The following BCHE variants were observed in gnomAD, a reference collection of about 807,000 sequenced individuals.
The protein encoded by BCHE is cholinesterase.
BCHE carries 48 observed loss-of-function variants against 51.3 expected under a neutral mutation model. The ratio of observed to expected loss-of-function variants is 0.94; its 90% CI spans 0.74 to 1.19. The LOEUF (loss-of-function observed/expected upper bound fraction) is 1.19, where lower values mean the gene tolerates loss of function less well. Ranked by LOEUF, BCHE falls within the 50% of genes most tolerant of loss-of-function variation. The pLI is 0.00. For synonymous variants in BCHE, 251 were observed against 238.0 expected (o/e 1.05, Z -0.50); for missense variants, 847 against 708.2 (o/e 1.20, Z -2.23).
chr3:165,832,677 A>T (rs111626374), intron 1 of BCHE, among the ~76,000 whole-genome samples: 1,950 of 152,298 alleles, frequency 0.013, 18 homozygotes, highest in Middle Eastern at 0.044. Context: ...AAGATCCATT[A>T]ATGTACAAAG....
At chr3:165,786,335 A>T (rs771928418) in intron 2 of BCHE, 24 bp from the exon 3 acceptor site, 4 of 1,580,624 alleles carry the variant, frequency 2.5e-6, no homozygotes, top group Non-Finnish European at 3.5e-6. Flanking sequence ...TAGAGACATT[A>T]TAGTAAAATT....
intron 2 of BCHE, among the ~76,000 whole-genome samples, chr3:165,824,110 A>C (rs1487317546): frequency 6.6e-6 from 1 of 152,034 alleles, no homozygotes; most frequent in East Asian, 1.9e-4. Context: ...TTTACAAAGA[A>C]ATTAAAATAA....
chr3:165,773,315 A>G lies in BCHE; in HGVS notation c.*67T>C. ...TAATAACTTTTTTAGTAGGTGTGTA[A>G]AAAAGCTCCTGATATTTTTGCCTTG... On this transcript the variant is annotated 3_prime_UTR_variant, in exon 4 of 4. Coordinates refer to ENST00000264381, the MANE Select transcript of BCHE (RefSeq NM_000055.4). 6.7e-7 allele frequency: 1 copy of G among 1,492,538 alleles called. No homozygotes were observed. Among genetic ancestry groups the G allele is most frequent in the Non-Finnish European group, 9.2e-7 (1 of 1,086,258 alleles). 92.5% of individuals were successfully genotyped at this position (1,492,538 alleles called of 1,614,324 possible).
At chr3:165,808,405 AT>A (rs1713952079) in intron 2 of BCHE, among the ~76,000 whole-genome samples, 1 of 151,946 alleles carries the variant, frequency 6.6e-6, no homozygotes, top group African/African-American at 2.4e-5. Flanking sequence ...TACATACCTA[AT>A]TTTTGCATAC....
chr3:165,786,368 GAA>G, intron 2 of BCHE, 57 bp from the exon 3 acceptor site: 1 of 1,466,592 alleles, frequency 6.8e-7, no homozygotes, highest in Non-Finnish European at 9.4e-7. Flanking sequence ...AGATTAAAAA[GAA>G]TATTGTTTTC....
chr3:165,834,265 T>C (rs1425053069), intron 1 of BCHE, among the ~76,000 whole-genome samples: 1 of 152,060 alleles, frequency 6.6e-6, no homozygotes, highest in Non-Finnish European at 1.5e-5. Context: ...TTATATTTTA[T>C]GCTGAGTAGG....
At chr3:165,819,029 CA>C (rs941576820) in intron 2 of BCHE, among the ~76,000 whole-genome samples, 2 of 149,506 alleles carry the variant, frequency 1.3e-5, no homozygotes, top group South Asian at 4.2e-4. Context: ...AAAAAATAAA[CA>C]AAAAAATTAA....
intron 2 of BCHE, among the ~76,000 whole-genome samples, chr3:165,791,840 C>T (rs1000789497): frequency 6.6e-6 from 1 of 152,060 alleles, no homozygotes; most frequent in Non-Finnish European, 1.5e-5. Flanking sequence ...CCCAGCTACT[C>T]GGGAGGCTGA....
At chr3:165,831,539 T>A (rs1714989956) in intron 1 of BCHE, among the ~76,000 whole-genome samples, 2 of 152,208 alleles carry the variant, frequency 1.3e-5, no homozygotes. Context: ...TTGTCATTAT[T>A]GTCCTTTTCT....
At chr3:165,821,774 C>A (rs1714527611) in intron 2 of BCHE, among the ~76,000 whole-genome samples, 1 of 151,770 alleles carries the variant, frequency 6.6e-6, no homozygotes, top group African/African-American at 2.4e-5. Flanking sequence ...AGATGAATAT[C>A]TATTTTCAAA....
chr3:165,782,555 T>G (rs1712748428), intron 3 of BCHE, among the ~76,000 whole-genome samples: 1 of 152,180 alleles, frequency 6.6e-6, no homozygotes, highest in Non-Finnish European at 1.5e-5. Context: ...GTGTGGTTGT[T>G]GTTTTTTGTC....
At chr3:165,814,623 T>A (rs1358308440) in intron 2 of BCHE, among the ~76,000 whole-genome samples, 1 of 151,994 alleles carries the variant, frequency 6.6e-6, no homozygotes, top group East Asian at 1.9e-4. Context: ...TTCCAACACT[T>A]GCTGGCCTGA....
At chr3:165,782,953 C>G (rs1026750195) in intron 3 of BCHE, among the ~76,000 whole-genome samples, 1 of 151,984 alleles carries the variant, frequency 6.6e-6, no homozygotes, top group African/African-American at 2.4e-5. Context: ...ATACCAGCAC[C>G]TTAGTGGTTA....
chr3:165,812,837 G>A (rs1469180573), intron 2 of BCHE, among the ~76,000 whole-genome samples: 1 of 151,878 alleles, frequency 6.6e-6, no homozygotes, highest in Non-Finnish European at 1.5e-5. Context: ...TGCCCCCTCA[G>A]ATATGAAAGT....
chr3:165,814,330 T>C (rs767353635), intron 2 of BCHE, among the ~76,000 whole-genome samples: 21 of 151,536 alleles, frequency 1.4e-4, no homozygotes, highest in Non-Finnish European at 2.4e-4. Flanking sequence ...ATGTTACCAT[T>C]TTTTTAAGAA....
chr3:165,805,709 T>G (rs1713842492), intron 2 of BCHE, among the ~76,000 whole-genome samples: 1 of 152,192 alleles, frequency 6.6e-6, no homozygotes, highest in Non-Finnish European at 1.5e-5. Flanking sequence ...TTTATTTTTG[T>G]TAAACTTACT....
At chr3:165,814,042 G>T (rs543003620) in intron 2 of BCHE, among the ~76,000 whole-genome samples, 5 of 152,048 alleles carry the variant, frequency 3.3e-5, no homozygotes, top group Admixed American at 2.0e-4. Flanking sequence ...CTTCCACAAT[G>T]ATTTCATTAT....
intron 2 of BCHE, among the ~76,000 whole-genome samples, chr3:165,789,534 T>G (rs1713090460): frequency 6.6e-6 from 1 of 152,098 alleles, no homozygotes; most frequent in African/African-American, 2.4e-5. Context: ...GAATTAAAAT[T>G]ATCCTTAGGA....
intron 2 of BCHE, among the ~76,000 whole-genome samples, chr3:165,828,430 C>T (rs891914271): frequency 6.6e-6 from 1 of 152,020 alleles, no homozygotes; most frequent in African/African-American, 2.4e-5. Flanking sequence ...AAGTATTAAA[C>T]CATTTTGAAA....
Sources: gnomAD v4.1 joint callset for allele counts (sites outside exome capture counted in the v4.1 genomes callset) on GRCh38, gnomAD v4.1.1 for gene constraint, MANE v1.5 for transcripts, NCBI Gene and HGNC (gene_info 2026-07-23, HGNC 2026-07-21) for gene names.